Variants in GNA12 observed in about 807,000 individuals in gnomAD.
GNA12 encodes G protein subunit alpha 12, also known as guanine nucleotide-binding protein subunit alpha-12.
GNA12 carries 9 observed loss-of-function variants against 26.0 expected under a neutral mutation model. The ratio of observed to expected loss-of-function variants is 0.35; its 90% CI spans 0.21 to 0.60. The LOEUF (loss-of-function observed/expected upper bound fraction) is 0.60. Among genes scored for constraint, GNA12 ranks in the 20% least tolerant of loss-of-function variants. The pLI, the probability that GNA12 is intolerant of heterozygous loss-of-function variation, is 0.78. For synonymous variants in GNA12, 264 were observed against 219.6 expected (o/e 1.20, Z -1.79); for missense variants, 405 against 525.8 (o/e 0.77, Z 2.25).
rs952686154 is a variant in GNA12 at position 2,824,951 on chromosome 7, G to C, written c.309+18902C>G. On this transcript the variant is annotated intron_variant, in intron 1 of 3. Coordinates refer to ENST00000275364, the MANE Select transcript of GNA12 (RefSeq NM_007353.3). ...AGAACCACTTTCCGACTAAAGACAA[G>C]GGAGGAGGCCCCTCTCCCTCAGGCC... Among the ~76,000 whole-genome samples the C allele has an allele frequency of 8.5e-5, 13 of 152,220 alleles. No homozygotes were observed. The East Asian group carries it at 2.6e-3, about 30-fold the overall frequency.
chr7:2,765,649 G>A (rs1278550545), intron 2 of GNA12, among the ~76,000 whole-genome samples: 3 of 149,862 alleles, frequency 2.0e-5, no homozygotes, highest in Non-Finnish European at 1.5e-5. Context: ...TTTTGCTTTT[G>A]AGACAGAGTC....
intron 1 of GNA12, among the ~76,000 whole-genome samples, chr7:2,831,264 G>A (rs1028571163): frequency 6.6e-6 from 1 of 151,672 alleles, no homozygotes; most frequent in East Asian, 1.9e-4. Context: ...CATCTCCCAG[G>A]GAGTTTTGCC....
At chr7:2,739,051 G>A (rs565452027) in intron 2 of GNA12, among the ~76,000 whole-genome samples, 2 of 152,224 alleles carry the variant, frequency 1.3e-5, no homozygotes, top group Non-Finnish European at 2.9e-5. Flanking sequence ...CTCTACAACT[G>A]TAAGCTCAGG....
At chr7:2,800,601 C>T (rs866047218) in intron 1 of GNA12, among the ~76,000 whole-genome samples, 6 of 152,146 alleles carry the variant, frequency 3.9e-5, no homozygotes, top group East Asian at 1.9e-4. Flanking sequence ...AGTTAACTAG[C>T]GACCACGGCA....
At chr7:2,812,357 C>T (rs1053035863) in intron 1 of GNA12, among the ~76,000 whole-genome samples, 1 of 152,140 alleles carries the variant, frequency 6.6e-6, no homozygotes, top group African/African-American at 2.4e-5. Flanking sequence ...AGGCTGGGTG[C>T]GGTGGCTCAC....
chr7:2,840,145 G>T (rs1250017929), intron 1 of GNA12, among the ~76,000 whole-genome samples: 1 of 152,176 alleles, frequency 6.6e-6, no homozygotes, highest in Non-Finnish European at 1.5e-5. Flanking sequence ...TTGTAAGATT[G>T]TGCTATCTAG....
At chr7:2,753,884 T>C (rs1791156098) in intron 2 of GNA12, among the ~76,000 whole-genome samples, 1 of 152,156 alleles carries the variant, frequency 6.6e-6, no homozygotes, top group African/African-American at 2.4e-5. Flanking sequence ...TCCTTTTCAG[T>C]AAGGATCATC....
At chr7:2,788,628 G>A (rs112014434) in intron 2 of GNA12, among the ~76,000 whole-genome samples, 1 of 152,198 alleles carries the variant, frequency 6.6e-6, no homozygotes, top group Non-Finnish European at 1.5e-5. Flanking sequence ...GGCCATGTTT[G>A]GAGGAAAGTT....
intron 1 of GNA12, among the ~76,000 whole-genome samples, chr7:2,798,193 G>A (rs57498239): frequency 6.6e-6 from 1 of 152,122 alleles, no homozygotes; most frequent in Non-Finnish European, 1.5e-5. Flanking sequence ...AGGAAAAGCA[G>A]GGGGGAAAAC....
chr7:2,740,826 C>T (rs1266371525), intron 2 of GNA12, among the ~76,000 whole-genome samples: 1 of 152,154 alleles, frequency 6.6e-6, no homozygotes, highest in South Asian at 2.1e-4. Flanking sequence ...GGACGGATCA[C>T]GAGGTCGAGA....
intron 2 of GNA12, among the ~76,000 whole-genome samples, chr7:2,777,138 A>C (rs1477979341): frequency 6.6e-6 from 1 of 152,166 alleles, no homozygotes; most frequent in Admixed American, 6.5e-5. Context: ...GAGGGGAGAC[A>C]CTGGCTAGGT....
rs141710794 is a variant in GNA12 at position 2,788,304 on chromosome 7, C to A, written c.525+6624G>T. 2.6e-3 allele frequency among the ~76,000 whole-genome samples: 393 copies of A among 152,324 alleles called. 5 individuals are homozygous for A. The highest frequency in any genetic ancestry group is 9.2e-3 in the African/African-American group (381 of 41,566). On this transcript the variant is annotated intron_variant, in intron 2 of 3. Coordinates refer to ENST00000275364, the MANE Select transcript of GNA12 (RefSeq NM_007353.3). The stretch of plus-strand genomic sequence containing the variant: ...CTGGCTGTGAGTCCACGCCGCACAG[C>A]CTGCCTTGTCGCTGTGGCCAGGTAA...
chr7:2,784,380 A>G (rs1364057642), intron 2 of GNA12, among the ~76,000 whole-genome samples: 2 of 152,238 alleles, frequency 1.3e-5, no homozygotes, highest in African/African-American at 4.8e-5. Flanking sequence ...CACCTACCAA[A>G]GGGCTGGGAT....
At chr7:2,740,009 C>A (rs1301458678) in intron 2 of GNA12, among the ~76,000 whole-genome samples, 1 of 152,110 alleles carries the variant, frequency 6.6e-6, no homozygotes, top group Non-Finnish European at 1.5e-5. Context: ...TTCTGAAGAC[C>A]ACCAAGCTGT....
chr7:2,838,126 A>G (rs1778890818), intron 1 of GNA12, among the ~76,000 whole-genome samples: 1 of 151,980 alleles, frequency 6.6e-6, no homozygotes, highest in African/African-American at 2.4e-5. Flanking sequence ...AGAAAATAAT[A>G]CAAAGCATTA....
chr7:2,762,780 T>C (rs1185566130), intron 2 of GNA12: 2 of 1,543,616 alleles, frequency 1.3e-6, no homozygotes, highest in Non-Finnish European at 1.7e-6. Flanking sequence ...ACCCAGGCTG[T>C]ACAAAAGGGA....
chr7:2,804,941 A>C (rs1440635148), intron 1 of GNA12, among the ~76,000 whole-genome samples: 4 of 151,936 alleles, frequency 2.6e-5, no homozygotes, highest in Non-Finnish European at 5.9e-5. Flanking sequence ...ATACGCAGCT[A>C]ATGTTCATTT....
At position 2,731,189 on chromosome 7, in the gene GNA12, G is replaced by A. The variant is rs765754611; in HGVS notation, c.1138C>T (p.Leu380=). The A allele has an allele frequency of 6.2e-7, 1 of 1,609,114 alleles. No individual in the cohort carries two copies. Among genetic ancestry groups the A allele is most frequent in the Non-Finnish European group, 8.5e-7 (1 of 1,176,858 alleles). ...CCCCGGGGCTTCCTCGCTCACTGCA[G>A]CATGATGTCCTTCAGGTTCTCCTGC... ...ILQENLKDIM[L]Q is the part of the protein sequence containing the mutation. The change falls in exon 4 of 4, where the codon CTG becomes TTG. Residue 380 remains leucine, a synonymous_variant. Coordinates refer to ENST00000275364, the MANE Select transcript of GNA12 (RefSeq NM_007353.3). This position sits in a 1 kb window ranked among gnomAD's most constrained non-coding sequence, Gnocchi z 6.0.
intron 2 of GNA12, among the ~76,000 whole-genome samples, chr7:2,733,943 C>G (rs1046065646): frequency 6.6e-6 from 1 of 152,234 alleles, no homozygotes; most frequent in Non-Finnish European, 1.5e-5. Flanking sequence ...TCCTTAAAGA[C>G]AAAACATCCT....
Sources: gnomAD v4.1 joint callset for allele counts (sites outside exome capture counted in the v4.1 genomes callset) on GRCh38, gnomAD v4.1.1 for gene constraint, Gnocchi (gnomAD v3.1) non-coding constraint, MANE v1.5 for transcripts, NCBI Gene and HGNC (gene_info 2026-07-23, HGNC 2026-07-21) for gene names.